The following APOL1 variants were observed in gnomAD, a reference collection of about 807,000 sequenced individuals.
APOL1 encodes apolipoprotein L 1.
APOL1 carries 17 observed loss-of-function variants against 14.9 expected under a neutral mutation model. The ratio of observed to expected loss-of-function variants is 1.14; its 90% CI spans 0.78 to 1.71. APOL1 has a LOEUF of 1.71. APOL1 is among the 40% of genes most tolerant of loss of function. The pLI, the probability that APOL1 is intolerant of heterozygous loss-of-function variation, is 0.00. For synonymous variants in APOL1, 195 were observed against 184.8 expected, an observed-to-expected ratio of 1.05 and a Z score of -0.45; for missense variants, 523 against 485.9, an observed-to-expected ratio of 1.08 and a Z score of -0.72.
intron 4 of APOL1, chr22:36,260,022 A>G (rs2016027563): frequency 2.0e-6 from 2 of 995,776 alleles, no homozygotes; most frequent in African/African-American, 1.7e-5. Context: ...TTGGCCTTGG[A>G]GTCAAATCCT....
intron 5 of APOL1, 96 bp downstream of exon 5, chr22:36,261,818 C>T: frequency 6.9e-7 from 1 of 1,450,966 alleles, no homozygotes; most frequent in South Asian, 1.3e-5. Flanking sequence ...CTCCTCCAGG[C>T]AGCCCCCTCT....
In APOL1 at chr22:36,265,771, C is replaced by G; in HGVS notation, c.935C>G (p.Ala312Gly). The change falls in exon 6 of 6, where the codon GCT becomes GGT. Residue 312 changes from alanine (A) to glycine (G), a missense_variant. Coordinates refer to ENST00000397278, the MANE Select transcript of APOL1 (RefSeq NM_003661.4). ...CCCCGGGTCACTGAGCCAATCTCAG[C>G]TGAAAGCGGTGAACAGGTGGAGAGG... Reference protein sequence around the residue: ...SRPRVTEPISAESGEQVERVN... With the variant: ...SRPRVTEPISGESGEQVERVN... 1.2e-6 allele frequency: 2 copies of G among 1,614,160 alleles called. No homozygotes were observed. Among genetic ancestry groups the G allele is most frequent in the Non-Finnish European group, 1.7e-6 (2 of 1,180,032 alleles).
At position 36,261,741 on chromosome 22, in the gene APOL1, C is replaced by T. The variant is rs746693537; in HGVS notation, c.314+19C>T. On this transcript the variant is annotated intron_variant, in intron 5 of 5. Coordinates refer to ENST00000397278, the MANE Select transcript of APOL1 (RefSeq NM_003661.4). Reference sequence around the variant, plus strand: ...TGCCCAGGTAAGCTCCATGGGGTTACCTCCATTGGGCACTCCGGCGATGCC... The same window carrying T: ...TGCCCAGGTAAGCTCCATGGGGTTATCTCCATTGGGCACTCCGGCGATGCC... 2 of 1,609,718 alleles carry T rather than the reference C, an allele frequency of 1.2e-6. No homozygotes were observed. The highest frequency in any genetic ancestry group is 1.7e-5 in the Admixed American group (1 of 59,778).
intron 4 of APOL1, chr22:36,259,619 T>C (rs1463087656): frequency 1.6e-6 from 2 of 1,257,898 alleles, no homozygotes; most frequent in South Asian, 1.3e-5. Flanking sequence ...GCTGGGGGAC[T>C]GAGGAAAAAC....
intron 2 of APOL1, among the ~76,000 whole-genome samples, chr22:36,255,422 A>G (rs2015837765): frequency 6.6e-6 from 1 of 152,272 alleles, no homozygotes; most frequent in Non-Finnish European, 1.5e-5. Flanking sequence ...CAGTGAACAA[A>G]GCAGGAAGAA....
rs531185263 is a variant in APOL1 at position 36,257,222 on chromosome 22, C to T, written c.98+86C>T. ...GTTGGTCTTGGTGTTTGCTTCCACCCCAGAGAGATTTGCAGAGCCCCGGCT... is the reference window on the plus strand; with the variant it reads ...GTTGGTCTTGGTGTTTGCTTCCACCTCAGAGAGATTTGCAGAGCCCCGGCT... On this transcript the variant is annotated intron_variant, in intron 3 of 5. Coordinates refer to ENST00000397278, the MANE Select transcript of APOL1 (RefSeq NM_003661.4). 11 of 1,605,152 alleles carry T rather than the reference C, an allele frequency of 6.9e-6. No individual in the cohort carries two copies. The South Asian group carries it at 8.8e-5, about 13-fold the overall frequency.
In APOL1 at chr22:36,266,122, T is replaced by G; in HGVS notation, c.*89T>G. On this transcript the variant is annotated 3_prime_UTR_variant, in exon 6 of 6. Coordinates refer to ENST00000397278, the MANE Select transcript of APOL1 (RefSeq NM_003661.4). ...TTTTTTTTTTTCTGAGACAGAGTCTTGCTCTGTCGCCAAGTTGGAGTGCAA... is the reference window on the plus strand; with the variant it reads ...TTTTTTTTTTTCTGAGACAGAGTCTGGCTCTGTCGCCAAGTTGGAGTGCAA... The G allele has an allele frequency of 7.1e-7, 1 of 1,408,310 alleles. No homozygotes were observed. Among genetic ancestry groups the G allele is most frequent in the Non-Finnish European group, 9.6e-7 (1 of 1,044,878 alleles). 87.2% of individuals were successfully genotyped at this position (1,408,310 alleles called of 1,614,324 possible).
chr22:36,256,270 T>C (rs1350989747), intron 2 of APOL1, among the ~76,000 whole-genome samples: 2 of 152,208 alleles, frequency 1.3e-5, no homozygotes, highest in Non-Finnish European at 2.9e-5. Context: ...TGAGTGTGAA[T>C]TGGTACAATT....
chr22:36,259,583 AC>A, intron 4 of APOL1: 1 of 1,221,776 alleles, frequency 8.2e-7, no homozygotes, highest in Non-Finnish European at 1.1e-6. Context: ...CACTCAGCCG[AC>A]CCCGGAATCC....
At chr22:36,261,556 A>T in intron 4 of APOL1, 40 bp from the exon 5 acceptor site, 1 of 1,597,820 alleles carries the variant, frequency 6.3e-7, no homozygotes, top group Non-Finnish European at 8.6e-7. Flanking sequence ...ATGCACTCCC[A>T]CACTTTCCTC....
intron 1 of APOL1, 34 bp from the exon 2 acceptor site, chr22:36,254,903 G>A: frequency 6.2e-7 from 1 of 1,612,912 alleles, no homozygotes; most frequent in Non-Finnish European, 8.5e-7. Context: ...CTCAGGAGGA[G>A]CACACTGTCT....
At chr22:36,263,432 G>A (rs964131736) in intron 5 of APOL1, among the ~76,000 whole-genome samples, 10 of 152,266 alleles carry the variant, frequency 6.6e-5, no homozygotes, top group Non-Finnish European at 1.3e-4. Flanking sequence ...AATTTAAGGG[G>A]ATTTCTAAAT....
At chr22:36,256,119 A>G (rs2015868649) in intron 2 of APOL1, among the ~76,000 whole-genome samples, 2 of 152,094 alleles carry the variant, frequency 1.3e-5, no homozygotes, top group Admixed American at 1.3e-4. Flanking sequence ...TAAATTTTGT[A>G]CTAATTGGTG....
At position 36,265,558 on chromosome 22, in the gene APOL1, A is replaced by C; in HGVS notation, c.722A>C (p.His241Pro). The C allele has an allele frequency of 6.2e-7, 1 of 1,603,548 alleles. No individual in the cohort carries two copies. The highest frequency in any genetic ancestry group is 8.5e-7 in the Non-Finnish European group (1 of 1,174,696). The change falls in exon 6 of 6, where the codon CAC becomes CCC. Residue 241 changes from histidine to proline, a missense_variant. Physicochemically the swap from His to Pro is moderately conservative, Grantham distance 77 (BLOSUM62 -2). Transcript: ENST00000397278. Reference sequence around the variant, plus strand: ...AAGTGGTGGACACAAGCCCAAGCCCACGACCTGGTCATCAAAAGCCTTGAC... The same window carrying C: ...AAGTGGTGGACACAAGCCCAAGCCCCCGACCTGGTCATCAAAAGCCTTGAC... Reference protein sequence around the residue: ...GKKWWTQAQAHDLVIKSLDKL... With the variant: ...GKKWWTQAQAPDLVIKSLDKL...
At chr22:36,256,193 T>C (rs1361571726) in intron 2 of APOL1, among the ~76,000 whole-genome samples, 1 of 152,150 alleles carries the variant, frequency 6.6e-6, no homozygotes, top group East Asian at 1.9e-4. Flanking sequence ...TTTTTTTTTG[T>C]CTTAAACAAG....
chr22:36,261,629 A>G lies in APOL1; in HGVS notation c.221A>G (p.Tyr74Cys). The G allele has an allele frequency of 6.2e-7, 1 of 1,613,906 alleles. No individual in the cohort carries two copies. Among genetic ancestry groups the G allele is most frequent in the Non-Finnish European group, 8.5e-7 (1 of 1,179,848 alleles). The change falls in exon 5 of 6, where the codon TAT becomes TGT. Residue 74 changes from tyrosine (Y) to cysteine (C), a missense_variant. By Grantham distance (194) the Tyr-to-Cys change is radical. Coordinates refer to ENST00000397278, the MANE Select transcript of APOL1 (RefSeq NM_003661.4). The stretch of plus-strand genomic sequence containing the variant: ...ATCTTTATTGAGGATGCCATTAAGT[A>G]TTTCAAGGAAAAAGTGAGCACACAG... ...SSIFIEDAIK[Y>C]FKEKVSTQNL...
At chr22:36,257,520 G>A in intron 4 of APOL1, 113 bp downstream of exon 4, 1 of 1,117,328 alleles carries the variant, frequency 8.9e-7, no homozygotes, top group Non-Finnish European at 1.4e-6. Flanking sequence ...AGGCCAATGA[G>A]TCTGCCCAAA....
At chr22:36,264,116 G>A (rs932628043) in intron 5 of APOL1, among the ~76,000 whole-genome samples, 3 of 152,164 alleles carry the variant, frequency 2.0e-5, no homozygotes, top group African/African-American at 7.2e-5. Context: ...AGCCCAGCTG[G>A]AGTTGGTCAA....
intron 2 of APOL1, among the ~76,000 whole-genome samples, chr22:36,256,873 C>G (rs1047398611): frequency 1.3e-5 from 2 of 152,164 alleles, no homozygotes; most frequent in Non-Finnish European, 2.9e-5. Flanking sequence ...TGTGTGTGAT[C>G]ATCGAATGAG....
Sources: gnomAD v4.1 joint callset for allele counts (sites outside exome capture counted in the v4.1 genomes callset) on GRCh38, gnomAD v4.1.1 for gene constraint, MANE v1.5 for transcripts, NCBI Gene and HGNC (gene_info 2026-07-23, HGNC 2026-07-21) for gene names.